IRX1: variants seen among roughly 807,000 people sequenced by gnomAD.
The protein encoded by IRX1 is iroquois homeobox 1.
In IRX1, 22 loss-of-function variants were observed where a neutral mutation model predicts 34.1. The ratio of observed to expected loss-of-function variants is 0.64; its 90% CI spans 0.46 to 0.92. The LOEUF is 0.92. Among genes scored for constraint, IRX1 ranks in the 40% least tolerant of loss-of-function variants. The probability of loss-of-function intolerance (pLI) is 0.00; values close to 1 mark genes in which losing one functional copy is unlikely to be tolerated. For missense variants in IRX1, 758 were observed against 680.0 expected (o/e 1.11, Z -1.28); for synonymous variants, 363 against 319.0 (o/e 1.14, Z -1.47).
chr5:3,600,736 A>G, intron 3 of IRX1, 55 bp downstream of exon 3: 1 of 1,451,602 alleles, frequency 6.9e-7, no homozygotes, highest in South Asian at 1.2e-5. Context: ...GGGGAGGAGG[A>G]GTGGTCGGGA....
At chr5:3,597,337 G>A (rs1733806457) in intron 1 of IRX1, among the ~76,000 whole-genome samples, 1 of 152,192 alleles carries the variant, frequency 6.6e-6, no homozygotes, top group Non-Finnish European at 1.5e-5. Flanking sequence ...ATTGTGCGGC[G>A]GGCGCGGGGC....
Position 3,596,095 on chromosome 5 carries a change from A to G in IRX1, c.-11A>G, listed in dbSNP as rs1743682502. ...TACTCGCCCGCTGCGGCGGTCGCCG[A>G]GTCCGCGGACATGTCCTTCCCGCAG... On this transcript the variant is annotated 5_prime_UTR_variant, in exon 1 of 4. Transcript: ENST00000302006. The G allele has an allele frequency of 1.6e-5, 17 of 1,058,714 alleles. No individual in the cohort carries two copies. The highest frequency in any genetic ancestry group is 1.8e-5 in the Non-Finnish European group (16 of 877,272). 65.6% of individuals were successfully genotyped at this position (1,058,714 alleles called of 1,614,324 possible). A position where few individuals can be genotyped will look rare whatever the true frequency, so the allele number is the denominator to read the frequency against.
rs1415334561 is a variant in IRX1 at position 3,601,342 on chromosome 5, T to A, written c.*302T>A. Reference sequence around the variant, plus strand: ...ATATAGAGTGGTTTCAGATTGTAAATAGCGCGTCAGCGAACTTGTCTAAAT... The same window carrying A: ...ATATAGAGTGGTTTCAGATTGTAAAAAGCGCGTCAGCGAACTTGTCTAAAT... On this transcript the variant is annotated 3_prime_UTR_variant, in exon 4 of 4. Coordinates refer to ENST00000302006, the MANE Select transcript of IRX1 (RefSeq NM_024337.4). The A allele has an allele frequency of 9.1e-6, 4 of 441,408 alleles. No individual in the cohort carries two copies. The allele number at this position is 441,408 out of a possible 1,614,324, so 27.3% of individuals were successfully genotyped here. A position where few individuals can be genotyped will look rare whatever the true frequency, so the allele number is the denominator to read the frequency against.
intron 2 of IRX1, 120 bp downstream of exon 2, chr5:3,600,380 G>A: frequency 9.4e-7 from 1 of 1,061,554 alleles, no homozygotes; most frequent in Non-Finnish European, 1.3e-6. Context: ...GCTGAGCCCT[G>A]GGGCTGCGCT....
chr5:3,596,702 C>T (rs1294427349), intron 1 of IRX1, among the ~76,000 whole-genome samples: 2 of 152,060 alleles, frequency 1.3e-5, no homozygotes, highest in Non-Finnish European at 2.9e-5. Flanking sequence ...GGGGCAAACT[C>T]GCCTGGCTCG....
chr5:3,600,491 G>A, intron 2 of IRX1, 118 bp from the exon 3 acceptor site: 4 of 991,588 alleles, frequency 4.0e-6, no homozygotes, highest in Non-Finnish European at 4.5e-6. Flanking sequence ...GGTGGGGTGA[G>A]GGGTGACGTT....
Position 3,600,499 on chromosome 5 carries a change from G to T in IRX1, c.1313-110G>T. 4 of 1,065,168 alleles carry T rather than the reference G, an allele frequency of 3.8e-6. No individual in the cohort carries two copies. In the South Asian group the frequency reaches 6.1e-5, roughly 16 times the overall value. 66.0% of individuals were successfully genotyped at this position (1,065,168 alleles called of 1,614,324 possible). A position where few individuals can be genotyped will look rare whatever the true frequency, so the allele number is the denominator to read the frequency against. On this transcript the variant is annotated intron_variant, in intron 2 of 3. Coordinates refer to ENST00000302006, the MANE Select transcript of IRX1 (RefSeq NM_024337.4). ...GGGTGGTGGTGGGGTGAGGGGTGACGTTTTTCGGCGAATCTGCCTGGGCAG... is the reference window on the plus strand; with the variant it reads ...GGGTGGTGGTGGGGTGAGGGGTGACTTTTTTCGGCGAATCTGCCTGGGCAG...
rs750031893 is a variant in IRX1 at position 3,599,533 on chromosome 5, G to A, written c.585G>A (p.Ala195=). ...AGGAGAACAAGGTGACATGGGGAGC[G>A]CGCAGCAAGGACCAGGAAGATGGAG... ...LKKENKVTWG[A]RSKDQEDGAL... is the part of the protein sequence containing the mutation. The change falls in exon 2 of 4, where the codon GCG becomes GCA. Residue 195 remains alanine (A), a synonymous_variant. Transcript: ENST00000302006. This position sits in a 1 kb window ranked among gnomAD's most constrained non-coding sequence, Gnocchi z 6.6. The A allele has an allele frequency of 8.7e-6, 14 of 1,614,194 alleles. No individual in the cohort carries two copies. The highest frequency in any genetic ancestry group is 1.1e-5 in the South Asian group (1 of 91,088).
rs976102129 is a variant in IRX1 at position 3,600,239 on chromosome 5, C to G, written c.1291C>G (p.Arg431Gly). 7 of 1,599,228 alleles carry G rather than the reference C, an allele frequency of 4.4e-6. No homozygotes were observed. The African/African-American group carries it at 9.4e-5, about 21-fold the overall frequency. ...ACTCAATGGAGACAAGGCCTCGGTC[C>G]GCAGCAGCCCCACGCTCCCAGGTAC... ...GALNGDKASV[R>G]SSPTLPERDL... Residue 431 changes from arginine to glycine, a missense_variant, in exon 2 of 4, where the codon CGC becomes GGC. By Grantham distance (125) the Arg-to-Gly change is moderately radical. Coordinates refer to ENST00000302006, the MANE Select transcript of IRX1 (RefSeq NM_024337.4).
In IRX1 at chr5:3,596,124, G is replaced by T; in HGVS notation, c.19G>T (p.Gly7Cys). ...CGCGGACATGTCCTTCCCGCAGCTG[G>T]GCTACCCGCAGTACCTGAGCGCCGC... MSFPQL[G>C]YPQYLSAAGP... Residue 7 changes from glycine to cysteine, a missense_variant, in exon 1 of 4, where the codon GGC (glycine) becomes TGC (cysteine). This residue lies in a region of IRX1 where 195 missense variants were observed against 195.0 expected (regional missense o/e 1.00). Coordinates refer to ENST00000302006, the MANE Select transcript of IRX1 (RefSeq NM_024337.4). The T allele has an allele frequency of 1.9e-6, 2 of 1,054,330 alleles. No individual in the cohort carries two copies. Among genetic ancestry groups the T allele is most frequent in the African/African-American group, 1.7e-5 (1 of 58,576 alleles). The allele number at this position is 1,054,330 out of a possible 1,614,324, so 65.3% of individuals were successfully genotyped here. A position where few individuals can be genotyped will look rare whatever the true frequency, so the allele number is the denominator to read the frequency against.
At position 3,599,324 on chromosome 5, in the gene IRX1, G is replaced by A. The variant is rs1561024336; in HGVS notation, c.376G>A (p.Gly126Arg). Residue 126 changes from glycine (G) to arginine (R), a missense_variant, in exon 2 of 4, where the codon GGG (glycine) becomes AGG (arginine). Gly to Arg is a moderately radical substitution (Grantham distance 125). Transcript: ENST00000302006. The surrounding 1 kb of genome is among the most constrained non-coding windows in gnomAD (Gnocchi z 6.6). ...AYYPYGQFQY[G>R]DPGRPKNATR... is the part of the protein sequence containing the mutation. The stretch of plus-strand genomic sequence containing the variant: ...TTACCCCTACGGCCAGTTCCAATAC[G>A]GGGACCCCGGGCGGCCCAAGAACGC... 4 of 1,613,926 alleles carry A rather than the reference G, an allele frequency of 2.5e-6. No homozygotes were observed. Among genetic ancestry groups the A allele is most frequent in the Admixed American group, 1.7e-5 (1 of 60,010 alleles).
At chr5:3,596,402 C>T (rs2111294856) in intron 1 of IRX1, 21 bp downstream of exon 1, 2 of 1,491,910 alleles carry the variant, frequency 1.3e-6, no homozygotes, top group Non-Finnish European at 8.9e-7. Context: ...CCGGCCTCCC[C>T]CGCTTCTCCT....
Position 3,601,213 on chromosome 5 carries a change from C to CT in IRX1, c.*174dup, listed in dbSNP as rs1310291569. On this transcript the variant is annotated 3_prime_UTR_variant, in exon 4 of 4. Transcript: ENST00000302006. Reference sequence around the variant, plus strand: ...AGAAAGGGGCTTCTTCGGTCCCGAGCTCGCGTCCAGGTGGCCAGGCCTCTG... The same window carrying CT: ...AGAAAGGGGCTTCTTCGGTCCCGAGCTTCGCGTCCAGGTGGCCAGGCCTCTG... The CT allele has an allele frequency of 1.5e-6, 1 of 667,916 alleles. No individual in the cohort carries two copies. The highest frequency in any genetic ancestry group is 2.6e-6 in the Non-Finnish European group (1 of 386,364). 41.4% of individuals were successfully genotyped at this position (667,916 alleles called of 1,614,324 possible). A position where few individuals can be genotyped will look rare whatever the true frequency, so the allele number is the denominator to read the frequency against.
Position 3,600,815 on chromosome 5 carries a change from C to T in IRX1, c.1385+134C>T. ...TAGTTGAAGGAGCGCTCCCCGCCAG[C>T]CCTGGGCGCCGGGCGAGCCGAGGAG... On this transcript the variant is annotated intron_variant, in intron 3 of 3. Transcript: ENST00000302006. 2.6e-6 allele frequency: 3 copies of T among 1,147,730 alleles called. No individual in the cohort carries two copies. The South Asian group carries it at 3.9e-5, about 15-fold the overall frequency. 71.1% of individuals were successfully genotyped at this position (1,147,730 alleles called of 1,614,324 possible). A position where few individuals can be genotyped will look rare whatever the true frequency, so the allele number is the denominator to read the frequency against.
rs772696494 is a variant in IRX1, at chr5:3,600,038, T to A, written c.1090T>A (p.Tyr364Asn). The part of the protein sequence containing the change: ...HPAFLPSHGL[Y>N]TCHIGKFSNW... Reference sequence around the variant, plus strand: ...CGCCTTCCTGCCTAGCCACGGACTGTACACCTGCCACATCGGCAAGTTCTC... The same window carrying A: ...CGCCTTCCTGCCTAGCCACGGACTGAACACCTGCCACATCGGCAAGTTCTC... The change falls in exon 2 of 4, where the codon TAC (tyrosine) becomes AAC (asparagine). Residue 364 changes from tyrosine (Y) to asparagine (N), a missense_variant. Tyr to Asn is a moderately radical substitution (Grantham distance 143, BLOSUM62 -2). Around this residue, in one of 3 missense-constraint regions of IRX1, gnomAD observed 529 missense variants for 418.8 expected, o/e 1.26. Coordinates refer to ENST00000302006, the MANE Select transcript of IRX1 (RefSeq NM_024337.4). 1 of 1,596,236 alleles carries A rather than the reference T, an allele frequency of 6.3e-7. No homozygotes were observed. The highest frequency in any genetic ancestry group is 1.1e-5 in the South Asian group (1 of 88,850).
At position 3,600,729 on chromosome 5, in the gene IRX1, G is replaced by A. The variant is rs766459829; in HGVS notation, c.1385+48G>A. ...ATGGGAGAAGGCGGTGGGGAGGGGG[G>A]AGGAGGAGTGGTCGGGACCCGGGCG... On this transcript the variant is annotated intron_variant, in intron 3 of 3. Coordinates refer to ENST00000302006, the MANE Select transcript of IRX1 (RefSeq NM_024337.4). 20 of 1,517,032 alleles carry A rather than the reference G, an allele frequency of 1.3e-5. No individual in the cohort carries two copies. The East Asian group carries it at 3.8e-4, about 29-fold the overall frequency. The allele number at this position is 1,517,032 out of a possible 1,614,324, so 94.0% of individuals were successfully genotyped here.
chr5:3,596,961 A>G (rs978721480), intron 1 of IRX1, among the ~76,000 whole-genome samples: 4 of 152,184 alleles, frequency 2.6e-5, no homozygotes, highest in African/African-American at 9.6e-5. Context: ...AAAGGGATGG[A>G]GAGGTCTCTC....
Position 3,596,094 on chromosome 5 carries a change from G to T in IRX1, c.-12G>T. 9.4e-7 allele frequency: 1 copy of T among 1,064,572 alleles called. No individual in the cohort carries two copies. Among genetic ancestry groups the T allele is most frequent in the Non-Finnish European group, 1.1e-6 (1 of 880,774 alleles). 65.9% of individuals were successfully genotyped at this position (1,064,572 alleles called of 1,614,324 possible). A position where few individuals can be genotyped will look rare whatever the true frequency, so the allele number is the denominator to read the frequency against. On this transcript the variant is annotated 5_prime_UTR_variant, in exon 1 of 4. Coordinates refer to ENST00000302006, the MANE Select transcript of IRX1 (RefSeq NM_024337.4). The stretch of plus-strand genomic sequence containing the variant: ...ATACTCGCCCGCTGCGGCGGTCGCC[G>T]AGTCCGCGGACATGTCCTTCCCGCA...
chr5:3,596,248 T>A lies in IRX1; in HGVS notation c.143T>A (p.Leu48Gln). Residue 48 changes from leucine to glutamine, a missense_variant, in exon 1 of 4, where the codon CTG (leucine) becomes CAG (glutamine). Physicochemically the swap from Leu to Gln is moderately radical, Grantham distance 113. Coordinates refer to ENST00000302006, the MANE Select transcript of IRX1 (RefSeq NM_024337.4). The part of the protein sequence containing the change: ...ASSGRPGAAE[L>Q]GGGAGAAAVT... ...TCGGGCCGACCGGGGGCCGCGGAGC[T>A]GGGCGGCGGGGCAGGCGCGGCTGCA... is the stretch of plus-strand genomic sequence containing the variant. 5.0e-6 allele frequency: 6 copies of A among 1,193,164 alleles called. No homozygotes were observed. Among genetic ancestry groups the A allele is most frequent in the Non-Finnish European group, 6.2e-6 (6 of 963,356 alleles). The allele number at this position is 1,193,164 out of a possible 1,614,324, so 73.9% of individuals were successfully genotyped here.
Sources: allele counts gnomAD v4.1 joint callset (sites outside exome capture counted in the v4.1 genomes callset), GRCh38; gene constraint gnomAD v4.1.1; regional missense constraint gnomAD v4.1.1; non-coding constraint Gnocchi (gnomAD v3.1); transcripts MANE v1.5; gene names NCBI Gene and HGNC (gene_info 2026-07-23, HGNC 2026-07-21).